The following XYLT1 variants were observed in gnomAD, a reference collection of about 807,000 sequenced individuals.
XYLT1 encodes xylosyltransferase 1.
XYLT1 carries 36 observed loss-of-function variants against 91.3 expected under a neutral mutation model. That is an observed-to-expected ratio of 0.39 (90% CI 0.30 to 0.52). XYLT1 has a LOEUF of 0.52. XYLT1 is among the 20% of genes least tolerant of loss of function. XYLT1 has a pLI of 0.68. For missense variants in XYLT1, 1,242 were observed against 1,284.5 expected (o/e 0.97, Z 0.51); for synonymous variants, 588 against 532.0 (o/e 1.11, Z -1.45).
chr16:17,124,088 T>C (rs1295501164), intron 10 of XYLT1, among the ~76,000 whole-genome samples: 2 of 152,238 alleles, frequency 1.3e-5, no homozygotes, highest in Non-Finnish European at 2.9e-5. Context: ...TTATCCGTTC[T>C]GTATCTTTTA....
At chr16:17,379,181 C>T (rs777491293) in intron 1 of XYLT1, among the ~76,000 whole-genome samples, 4 of 152,178 alleles carry the variant, frequency 2.6e-5, no homozygotes, top group Non-Finnish European at 5.9e-5. Flanking sequence ...GCTCCCCGGG[C>T]AGGCAGCCCA....
chr16:17,412,921 T>C (rs1289070189), intron 1 of XYLT1, among the ~76,000 whole-genome samples: 3 of 152,180 alleles, frequency 2.0e-5, no homozygotes, highest in East Asian at 1.9e-4. Flanking sequence ...GTCCAGCCCA[T>C]GTTCACAATG....
At chr16:17,328,938 A>G (rs543260486) in intron 2 of XYLT1, among the ~76,000 whole-genome samples, 1 of 152,250 alleles carries the variant, frequency 6.6e-6, no homozygotes, top group Non-Finnish European at 1.5e-5. Context: ...TGCTGGAGGT[A>G]TGCGTGTGTG....
intron 5 of XYLT1, among the ~76,000 whole-genome samples, chr16:17,176,151 T>C (rs1208530488): frequency 1.3e-5 from 2 of 152,254 alleles, no homozygotes; most frequent in African/African-American, 4.8e-5. Context: ...AGCACTCATT[T>C]GCTCCTTCAT....
In XYLT1 at chr16:17,230,244, A is replaced by C. The variant is rs2033137993; in HGVS notation, c.913+28744T>G. On this transcript the variant is annotated intron_variant, in intron 3 of 11. Transcript: ENST00000261381. ...GGAACTAAAACAAAGAGCCAAACCC[A>C]CCAGGGCTGCGAGAGGAATGTGCCC... Among the ~76,000 whole-genome samples, 4 of 152,216 alleles carry C rather than the reference A, an allele frequency of 2.6e-5. No individual in the cohort carries two copies. The South Asian group carries it at 6.2e-4, about 24-fold the overall frequency.
intron 1 of XYLT1, among the ~76,000 whole-genome samples, chr16:17,374,571 G>T (rs914216079): frequency 9.9e-5 from 15 of 151,342 alleles, no homozygotes. Flanking sequence ...TAACCCACAC[G>T]GTCTAAGACA....
At chr16:17,448,014 T>C (rs1399595022) in intron 1 of XYLT1, among the ~76,000 whole-genome samples, 1 of 152,130 alleles carries the variant, frequency 6.6e-6, no homozygotes, top group Non-Finnish European at 1.5e-5. Context: ...TAAGGAAACA[T>C]ACACATCAAT....
chr16:17,226,731 C>T (rs7199698), intron 3 of XYLT1, among the ~76,000 whole-genome samples: 41,784 of 151,540 alleles, frequency 0.28, 6,464 homozygotes, highest in South Asian at 0.5. Context: ...TGCAGTGAGC[C>T]GAGATCACAC....
chr16:17,219,901 C>G (rs1179823858), intron 3 of XYLT1, among the ~76,000 whole-genome samples: 1 of 152,152 alleles, frequency 6.6e-6, no homozygotes, highest in Non-Finnish European at 1.5e-5. Context: ...CGTGGTGGTG[C>G]ATGCCTGTAG....
chr16:17,115,312 TAAAAAAAAA>T (rs869095502), intron 11 of XYLT1, among the ~76,000 whole-genome samples: 9 of 48,828 alleles, frequency 1.8e-4, no homozygotes, highest in Non-Finnish European at 2.6e-4. Flanking sequence ...CAAAAATAGT[TAAAAAAAAA>T]AAAAAAAAAA....
intron 3 of XYLT1, among the ~76,000 whole-genome samples, chr16:17,207,340 G>A (rs530211471): frequency 1.3e-5 from 2 of 152,222 alleles, no homozygotes; most frequent in Admixed American, 6.5e-5. Context: ...GATTACAGGC[G>A]TGAGCCACAG....
intron 5 of XYLT1, among the ~76,000 whole-genome samples, chr16:17,179,813 G>T (rs1334288044): frequency 1.3e-5 from 2 of 151,882 alleles, no homozygotes; most frequent in Non-Finnish European, 2.9e-5. Context: ...CCAAAATCTG[G>T]GCTGAACATG....
chr16:17,175,087 ATTAT>A (rs1236943946), intron 5 of XYLT1, among the ~76,000 whole-genome samples: 2 of 152,176 alleles, frequency 1.3e-5, no homozygotes, highest in African/African-American at 4.8e-5. Flanking sequence ...TTTTAATGTT[ATTAT>A]TTATGTTTTT....
At chr16:17,136,966 G>C (rs892912973) in intron 8 of XYLT1, among the ~76,000 whole-genome samples, 2 of 151,984 alleles carry the variant, frequency 1.3e-5, no homozygotes, top group Non-Finnish European at 2.9e-5. Context: ...AGTGAGGGAC[G>C]GGTCCTCTCC....
intron 5 of XYLT1, among the ~76,000 whole-genome samples, chr16:17,178,796 G>A (rs1208898637): frequency 7.2e-5 from 11 of 152,170 alleles, no homozygotes; most frequent in Admixed American, 1.3e-4. Context: ...GAGGCTGGGC[G>A]TGGTGGCTCA....
In XYLT1 at chr16:17,147,717, G is replaced by A. The variant is rs112828946; in HGVS notation, c.1371-6348C>T. On this transcript the variant is annotated intron_variant, in intron 6 of 11. Coordinates refer to ENST00000261381, the MANE Select transcript of XYLT1 (RefSeq NM_022166.4). ...ATGGTGGCAGAGGCCCAGCAACAGG[G>A]TATCTACCAGGGGAGAGGCATCAGC... Among the ~76,000 whole-genome samples, 794 of 152,326 alleles carry A rather than the reference G, an allele frequency of 5.2e-3. 8 individuals carry two copies. The highest frequency in any genetic ancestry group is 0.018 in the African/African-American group (738 of 41,574).
chr16:17,306,617 GTGTGTTT>G (rs2034475340), intron 2 of XYLT1, among the ~76,000 whole-genome samples: 1 of 151,862 alleles, frequency 6.6e-6, no homozygotes, highest in South Asian at 2.1e-4. Flanking sequence ...CTCTATACGT[GTGTGTTT>G]CACTTTATGC....
In XYLT1 at chr16:17,105,387, T is replaced by G. The variant is rs968024264; in HGVS notation, c.*3308A>C. The G allele has an allele frequency of 1.1e-4, 17 of 152,214 alleles. No individual in the cohort carries two copies. Among genetic ancestry groups the G allele is most frequent in the African/African-American group, 3.6e-4 (15 of 41,454 alleles). The allele number at this position is 152,214 out of a possible 1,614,324, so 9.4% of individuals were successfully genotyped here. A position where few individuals can be genotyped will look rare whatever the true frequency, so the allele number is the denominator to read the frequency against. ...TAGAAGTTAAACCCACAATGAGAAATGAAGCCGGAAGGACTCATGATCTCA... is the reference window on the plus strand; with the variant it reads ...TAGAAGTTAAACCCACAATGAGAAAGGAAGCCGGAAGGACTCATGATCTCA... On this transcript the variant is annotated 3_prime_UTR_variant, in exon 12 of 12. Coordinates refer to ENST00000261381, the MANE Select transcript of XYLT1 (RefSeq NM_022166.4).
chr16:17,317,313 G>A lies in XYLT1; in HGVS notation c.402+40699C>T, dbSNP rs538338351. Among the ~76,000 whole-genome samples, 9 of 152,080 alleles carry A rather than the reference G, an allele frequency of 5.9e-5. No homozygotes were observed. In the South Asian group the frequency reaches 1.5e-3, roughly 25 times the overall value. On this transcript the variant is annotated intron_variant, in intron 2 of 11. Transcript: ENST00000261381. ...TGCCCTGGAAGACTGGTAAATGAATGCCCAAATTAAAATTAACCACAATAA... is the reference window on the plus strand; with the variant it reads ...TGCCCTGGAAGACTGGTAAATGAATACCCAAATTAAAATTAACCACAATAA...
Sources: gnomAD v4.1 joint callset for allele counts (sites outside exome capture counted in the v4.1 genomes callset) on GRCh38, gnomAD v4.1.1 for gene constraint, MANE v1.5 for transcripts, NCBI Gene and HGNC (gene_info 2026-07-23, HGNC 2026-07-21) for gene names.